Variants in EYS observed in about 807,000 individuals in gnomAD.
The protein encoded by EYS is protein eyes shut homolog.
A neutral mutation model predicts 282.1 loss-of-function variants in EYS; 250 were observed. The ratio of observed to expected loss-of-function variants is 0.89; its 90% CI spans 0.80 to 0.98. The LOEUF (loss-of-function observed/expected upper bound fraction) is 0.98, where lower values mean the gene tolerates loss of function less well. Ranked by LOEUF, EYS falls within the 50% of genes least tolerant of loss-of-function variation. The pLI is 0.00. For missense variants in EYS, 4,016 were observed against 3,709.0 expected, an observed-to-expected ratio of 1.08 and a Z score of -2.15; for synonymous variants, 1,355 against 1,282.9, an observed-to-expected ratio of 1.06 and a Z score of -1.20.
At chr6:65,223,737 C>A (rs1766539187) in intron 12 of EYS, among the ~76,000 whole-genome samples, 1 of 152,126 alleles carries the variant, frequency 6.6e-6, no homozygotes, top group Non-Finnish European at 1.5e-5. Context: ...TGGATACCAT[C>A]CAGGTCAAGT....
intron 2 of EYS, among the ~76,000 whole-genome samples, chr6:65,598,519 C>A (rs1765493438): frequency 6.6e-6 from 1 of 152,100 alleles, no homozygotes; most frequent in Non-Finnish European, 1.5e-5. Context: ...GTGTTGCCTA[C>A]ATGCAGCAGA....
At position 65,220,726 on chromosome 6, in the gene EYS, G is replaced by T. The variant is rs184447131; in HGVS notation, c.2023+75137C>A. 3.9e-5 allele frequency among the ~76,000 whole-genome samples: 6 copies of T among 152,234 alleles called. No individual in the cohort carries two copies. In the East Asian group the frequency reaches 1.2e-3, roughly 29 times the overall value. On this transcript the variant is annotated intron_variant, in intron 12 of 42. Coordinates refer to ENST00000503581, the MANE Select transcript of EYS (RefSeq NM_001142800.2). ...GGAACTGGGTAACATGCAGAGGTTG[G>T]AACAGTTTGGAGGGTTCAGAGGAAG... is the stretch of plus-strand genomic sequence containing the variant.
intron 29 of EYS, among the ~76,000 whole-genome samples, chr6:64,357,470 T>C (rs1554148215): frequency 6.6e-6 from 1 of 151,666 alleles, no homozygotes; most frequent in Non-Finnish European, 1.5e-5. Context: ...AATATTTTTT[T>C]CAAGGCTCTG....
chr6:64,974,699 T>C (rs1393362507), intron 14 of EYS, among the ~76,000 whole-genome samples: 6 of 151,910 alleles, frequency 3.9e-5, no homozygotes, highest in Non-Finnish European at 8.8e-5. Context: ...GTGTGGATAC[T>C]TCTCTCTTAA....
At chr6:64,023,439 T>C (rs1278326801) in intron 33 of EYS, among the ~76,000 whole-genome samples, 1 of 152,268 alleles carries the variant, frequency 6.6e-6, no homozygotes, top group Non-Finnish European at 1.5e-5. Context: ...CTACCATTTG[T>C]AGTGTACCAT....
chr6:64,093,718 C>A (rs1363311475), intron 31 of EYS, among the ~76,000 whole-genome samples: 3 of 152,108 alleles, frequency 2.0e-5, no homozygotes, highest in Non-Finnish European at 4.4e-5. Flanking sequence ...AATTTGACTT[C>A]CTCTTTTCCT....
At chr6:65,181,427 C>T (rs538634458) in intron 12 of EYS, among the ~76,000 whole-genome samples, 1 of 152,282 alleles carries the variant, frequency 6.6e-6, no homozygotes, top group Non-Finnish European at 1.5e-5. Flanking sequence ...CAAAAGAAGA[C>T]ATTTATGCAG....
intron 1 of EYS, among the ~76,000 whole-genome samples, chr6:65,678,555 T>C (rs1386308975): frequency 6.6e-5 from 10 of 151,926 alleles, no homozygotes; most frequent in Admixed American, 6.6e-4. Context: ...GTCACGATTT[T>C]ATGAATATGA....
At chr6:65,124,514 T>C (rs1561978583) in intron 12 of EYS, among the ~76,000 whole-genome samples, 1 of 152,204 alleles carries the variant, frequency 6.6e-6, no homozygotes, top group Non-Finnish European at 1.5e-5. Flanking sequence ...TTTGAGGTTT[T>C]ATAATTTTAT....
chr6:63,780,243 A>T (rs865810873), intron 39 of EYS, among the ~76,000 whole-genome samples: 28 of 152,200 alleles, frequency 1.8e-4, no homozygotes, highest in African/African-American at 6.5e-4. Context: ...CATGTTTTAT[A>T]ATCCTTTAGG....
intron 12 of EYS, among the ~76,000 whole-genome samples, chr6:65,137,708 T>TCC (rs1776060283): frequency 2.6e-5 from 4 of 152,008 alleles, no homozygotes; most frequent in African/African-American, 9.7e-5. Context: ...GAGGTTAAAA[T>TCC]ATATAGGATT....
At chr6:63,911,403 A>G (rs1471426176) in intron 35 of EYS, among the ~76,000 whole-genome samples, 1 of 152,238 alleles carries the variant, frequency 6.6e-6, no homozygotes, top group African/African-American at 2.4e-5. Context: ...AAAATAGGAA[A>G]TCAAGTAAAA....
chr6:64,485,451 A>G (rs1776552684), intron 26 of EYS, among the ~76,000 whole-genome samples: 1 of 151,658 alleles, frequency 6.6e-6, no homozygotes, highest in East Asian at 1.9e-4. Context: ...CTGACTATGT[A>G]TTTATTTATG....
chr6:64,690,661 G>A (rs940984498), intron 22 of EYS, among the ~76,000 whole-genome samples: 4 of 152,246 alleles, frequency 2.6e-5, no homozygotes, highest in African/African-American at 9.6e-5. Flanking sequence ...TAAAAAGGAT[G>A]AGTTTATGTC....
chr6:64,099,824 G>A (rs140893923), intron 31 of EYS, among the ~76,000 whole-genome samples: 1 of 152,062 alleles, frequency 6.6e-6, no homozygotes, highest in East Asian at 1.9e-4. Flanking sequence ...GAGGACAACT[G>A]GCACACTAAG....
At chr6:64,398,721 A>G (rs1773458029) in intron 28 of EYS, among the ~76,000 whole-genome samples, 1 of 151,920 alleles carries the variant, frequency 6.6e-6, no homozygotes, top group Non-Finnish European at 1.5e-5. Context: ...TCCTATCTGT[A>G]TAATGATATA....
At chr6:63,944,065 C>A (rs1006728088) in intron 35 of EYS, among the ~76,000 whole-genome samples, 4 of 152,060 alleles carry the variant, frequency 2.6e-5, no homozygotes, top group African/African-American at 4.8e-5. Flanking sequence ...AGATGCAGAG[C>A]GCAGGACCTG....
intron 36 of EYS, among the ~76,000 whole-genome samples, chr6:63,859,318 T>C (rs562545125): frequency 3.8e-4 from 58 of 152,050 alleles, no homozygotes; most frequent in African/African-American, 1.3e-3. Flanking sequence ...TCATTGAAAT[T>C]GAAGTACAGA....
intron 31 of EYS, among the ~76,000 whole-genome samples, chr6:64,156,896 AT>A (rs1017019648): frequency 2.0e-5 from 3 of 151,076 alleles, no homozygotes; most frequent in South Asian, 2.1e-4. Context: ...TAATTAATTT[AT>A]TTTTTTATTA....
Sources: allele counts gnomAD v4.1 joint callset (sites outside exome capture counted in the v4.1 genomes callset), GRCh38; gene constraint gnomAD v4.1.1; transcripts MANE v1.5; gene names NCBI Gene and HGNC (gene_info 2026-07-23, HGNC 2026-07-21).